ZNF568: variants seen among roughly 807,000 people sequenced by gnomAD.
The protein encoded by ZNF568 is p53 inhibitor of SCO2 activation.
A neutral mutation model predicts 18.1 loss-of-function variants in ZNF568; 11 were observed. The observed-to-expected ratio is 0.61, with a 90% CI of 0.38 to 1.00. ZNF568 has a LOEUF of 1.00. Ranked by LOEUF, ZNF568 falls within the 50% of genes least tolerant of loss-of-function variation. The pLI is 0.01. For synonymous variants in ZNF568, 213 were observed against 246.6 expected, an observed-to-expected ratio of 0.86 and a Z score of 1.28; for missense variants, 639 against 768.2, an observed-to-expected ratio of 0.83 and a Z score of 1.99.
intron 7 of ZNF568, among the ~76,000 whole-genome samples, chr19:36,976,733 AAACCCCAT>A (rs1438314244): frequency 6.6e-6 from 1 of 152,106 alleles, no homozygotes; most frequent in Non-Finnish European, 1.5e-5. Flanking sequence ...CAACATGGAG[AAACCCCAT>A]CTCTACTAAA....
chr19:36,937,660 T>G (rs2073813381), intron 6 of ZNF568, among the ~76,000 whole-genome samples: 1 of 152,212 alleles, frequency 6.6e-6, no homozygotes. Context: ...TTTCTTTCCT[T>G]CTTTCTTTTT....
intron 6 of ZNF568, among the ~76,000 whole-genome samples, chr19:36,958,543 G>A (rs2074123640): frequency 6.7e-6 from 1 of 150,298 alleles, no homozygotes; most frequent in South Asian, 2.1e-4. Flanking sequence ...TCAAATTTGT[G>A]GGCATAATAT....
chr19:36,953,653 T>C (rs1361892020), downstream of ZNF568, among the ~76,000 whole-genome samples: 2 of 152,206 alleles, frequency 1.3e-5, no homozygotes, highest in African/African-American at 4.8e-5. Context: ...AGCTCAAGCC[T>C]GTAAACCCAG....
intron 2 of ZNF568, among the ~76,000 whole-genome samples, chr19:36,989,994 T>G (rs2074410093): frequency 6.6e-6 from 1 of 152,134 alleles, no homozygotes; most frequent in African/African-American, 2.4e-5. Context: ...TATTGCAAAC[T>G]TGAGTTTTCT....
At chr19:36,930,801 G>A (rs966688997) in intron 4 of ZNF568, among the ~76,000 whole-genome samples, 1 of 152,070 alleles carries the variant, frequency 6.6e-6, no homozygotes, top group Admixed American at 6.6e-5. Flanking sequence ...CTCAAGTTTG[G>A]CTATTTGTCA....
intron 4 of ZNF568, among the ~76,000 whole-genome samples, chr19:36,929,361 A>G (rs1161223049): frequency 6.6e-6 from 1 of 152,124 alleles, no homozygotes; most frequent in African/African-American, 2.4e-5. Context: ...CAATACAGCA[A>G]GACCCAGTCT....
At chr19:36,937,316 A>G (rs1323563922) in intron 6 of ZNF568, 74 bp downstream of exon 6, 5 of 1,278,798 alleles carry the variant, frequency 3.9e-6, no homozygotes, top group African/African-American at 3.0e-5. Flanking sequence ...ATATCATTTC[A>G]CAATTTCCAA....
chr19:36,925,732 T>A (rs2146272087), intron 4 of ZNF568, among the ~76,000 whole-genome samples: 1 of 152,306 alleles, frequency 6.6e-6, no homozygotes, highest in South Asian at 2.1e-4. Flanking sequence ...GACTTTTTTC[T>A]TGTCGTTTTC....
intron 3 of ZNF568, chr19:36,991,671 C>T (rs917622136): frequency 3.6e-6 from 4 of 1,118,564 alleles, no homozygotes; most frequent in Non-Finnish European, 3.8e-6. Flanking sequence ...AATCTACCTG[C>T]TCCTCTTTCT....
At chr19:36,991,855 C>T (rs776068805) in intron 4 of ZNF568, 122 of 1,557,964 alleles carry the variant, frequency 7.8e-5, no homozygotes, top group Non-Finnish European at 9.5e-5. Context: ...AGGTGAGTGA[C>T]GATGAACTGG....
exon 5 of ZNF568, chr19:36,996,812 A>G (rs1211238674): frequency 1.9e-6 from 3 of 1,551,088 alleles, no homozygotes; most frequent in Non-Finnish European, 2.6e-6. Context: ...GAATGTGGGA[A>G]AGCCTTTCGT....
At chr19:36,948,987 T>C (rs927171193) in intron 6 of ZNF568, among the ~76,000 whole-genome samples, 2 of 152,190 alleles carry the variant, frequency 1.3e-5, no homozygotes, top group Non-Finnish European at 2.9e-5. Context: ...ATTCAGTTTA[T>C]CCTAAATGCT....
intron 2 of ZNF568, among the ~76,000 whole-genome samples, chr19:36,919,240 A>G (rs947710569): frequency 6.6e-6 from 1 of 152,214 alleles, no homozygotes; most frequent in Non-Finnish European, 1.5e-5. Context: ...ATGAATATCA[A>G]AAACAGACAA....
chr19:36,958,913 G>A (rs1412059464), intron 6 of ZNF568, among the ~76,000 whole-genome samples: 5 of 152,004 alleles, frequency 3.3e-5, no homozygotes, highest in Admixed American at 6.6e-5. Flanking sequence ...GAGCCACCAC[G>A]CCCAGCCAGG....
At chr19:36,973,820 C>T (rs2074258325) in intron 6 of ZNF568, 1 of 153,094 alleles carries the variant, frequency 6.5e-6, no homozygotes, top group Admixed American at 6.5e-5. Flanking sequence ...GCGGGACACC[C>T]TCGCTGTACA....
At chr19:36,996,741 T>C in exon 5 of ZNF568, 1 of 1,538,870 alleles carries the variant, frequency 6.5e-7, no homozygotes, top group South Asian at 1.2e-5. Flanking sequence ...CCTTTAATCA[T>C]GATTCTGGAA....
chr19:36,949,445 T>G, intron 6 of ZNF568, 67 bp from the exon 7 acceptor site: 1 of 1,464,902 alleles, frequency 6.8e-7, no homozygotes, highest in Non-Finnish European at 9.1e-7. Flanking sequence ...AGCCTATTTC[T>G]GATATGTTAT....
At chr19:36,989,305 C>A (rs1018343346) in intron 2 of ZNF568, among the ~76,000 whole-genome samples, 1 of 152,132 alleles carries the variant, frequency 6.6e-6, no homozygotes, top group Non-Finnish European at 1.5e-5. Flanking sequence ...GCCTTAGCCC[C>A]CCTAGTAGCT....
chr19:36,943,723 G>A (rs977228690), intron 6 of ZNF568, among the ~76,000 whole-genome samples: 47 of 151,962 alleles, frequency 3.1e-4, no homozygotes, highest in Admixed American at 3.9e-4. Context: ...AAAGGTGTGC[G>A]CCACCACACC....
Sources: allele counts gnomAD v4.1 joint callset (sites outside exome capture counted in the v4.1 genomes callset), GRCh38; gene constraint gnomAD v4.1.1; transcripts MANE v1.5; gene names NCBI Gene and HGNC (gene_info 2026-07-23, HGNC 2026-07-21).